Variants in CENPM observed in about 807,000 individuals in gnomAD.
CENPM encodes the protein interphase centromere complex protein 39.
Under a neutral mutation model 19.6 loss-of-function variants are expected in CENPM, and 14 were observed. That is an observed-to-expected ratio of 0.71 (90% CI 0.47 to 1.11). The LOEUF is 1.11. Ranked by LOEUF, CENPM falls within the 50% of genes most tolerant of loss-of-function variation. The pLI is 0.00. For missense variants in CENPM, 239 were observed against 228.4 expected (o/e 1.05, Z -0.30); for synonymous variants, 114 against 101.5 (o/e 1.12, Z -0.74).
In CENPM at chr22:41,939,303, G is replaced by C. The variant is rs2077704191; in HGVS notation, c.403-107C>G. On this transcript the variant is annotated intron_variant, in intron 5 of 5. Transcript: ENST00000215980. ...GCAGGGCTGGGGGCGGATACTTGGG[G>C]GTAGCTCAGGTCACCACTGCCCACC... 3.7e-6 allele frequency: 5 copies of C among 1,364,208 alleles called. No homozygotes were observed. In the South Asian group the frequency reaches 7.3e-5, roughly 20 times the overall value. The allele number at this position is 1,364,208 out of a possible 1,614,324, so 84.5% of individuals were successfully genotyped here. A position where few individuals can be genotyped will look rare whatever the true frequency, so the allele number is the denominator to read the frequency against.
chr22:41,946,369 T>C, intron 2 of CENPM, 48 bp downstream of exon 2: 2 of 1,522,520 alleles, frequency 1.3e-6, no homozygotes, highest in Middle Eastern at 1.7e-4. Context: ...ACCGAATCCC[T>C]CTGGAGTGAG....
At chr22:41,945,670 G>T (rs536863523) in intron 3 of CENPM, among the ~76,000 whole-genome samples, 2 of 151,926 alleles carry the variant, frequency 1.3e-5, no homozygotes, top group Admixed American at 6.6e-5. Flanking sequence ...GGCTGGTCTC[G>T]GGCAATCTGC....
the CENPM span, among the ~76,000 whole-genome samples, chr22:41,932,197 C>T: frequency 3.9e-5 from 6 of 152,220 alleles, no homozygotes; most frequent in African/African-American, 1.2e-4. This position sits in a 1 kb window ranked among gnomAD's most constrained non-coding sequence, Gnocchi z 4.3. Flanking sequence ...CTCATGACAG[C>T]GCCAGGACCA....
chr22:41,942,921 C>T (rs558398344), intron 5 of CENPM, among the ~76,000 whole-genome samples: 29 of 151,918 alleles, frequency 1.9e-4, no homozygotes, highest in African/African-American at 7.0e-4. Flanking sequence ...GGCAACAGAG[C>T]AAGACCTTAT....
intron 5 of CENPM, among the ~76,000 whole-genome samples, chr22:41,942,944 C>T (rs6002553): frequency 0.03 from 4,541 of 150,904 alleles, 221 homozygotes; most frequent in African/African-American, 0.1. Context: ...AAAACAATAA[C>T]GACAACAACA....
At chr22:41,934,719 G>C (rs1470455569), downstream of CENPM, among the ~76,000 whole-genome samples, 1 of 152,214 alleles carries the variant, frequency 6.6e-6, no homozygotes, top group Non-Finnish European at 1.5e-5. Flanking sequence ...CAACTAGCTA[G>C]GAAGAAAGGC....
downstream of CENPM, among the ~76,000 whole-genome samples, chr22:41,933,946 G>A (rs1040308821): frequency 2.6e-5 from 4 of 152,236 alleles, no homozygotes; most frequent in South Asian, 2.1e-4. Context: ...GGGTGGAAGG[G>A]CTGGCATGGA....
intron 4 of CENPM, chr22:41,944,734 G>A (rs2077779415): frequency 3.0e-6 from 3 of 985,410 alleles, no homozygotes; most frequent in Non-Finnish European, 3.6e-6. Context: ...GAGAGTCACC[G>A]GAGATGAGAC....
chr22:41,930,366 A>G, the CENPM span, among the ~76,000 whole-genome samples: 6 of 151,696 alleles, frequency 4.0e-5, no homozygotes, highest in Non-Finnish European at 5.9e-5. Flanking sequence ...CGTAGCTGGG[A>G]CTACAGGCAC....
the CENPM span, chr22:41,928,220 C>T: frequency 2.7e-6 from 1 of 371,258 alleles, no homozygotes; most frequent in South Asian, 2.2e-5. The surrounding 1 kb of genome is among the most constrained non-coding windows in gnomAD (Gnocchi z 4.0). Flanking sequence ...CCCGCCCACA[C>T]CTGCTCCTTT....
intron 4 of CENPM, chr22:41,944,165 CG>C (rs1185112461): frequency 1.0e-6 from 1 of 985,154 alleles, no homozygotes; most frequent in Non-Finnish European, 1.2e-6. Context: ...AGAGGACGGC[CG>C]GGTGCGGTGG....
At chr22:41,935,744 G>A (rs919292920), downstream of CENPM, among the ~76,000 whole-genome samples, 4 of 152,192 alleles carry the variant, frequency 2.6e-5, no homozygotes, top group African/African-American at 9.7e-5. Flanking sequence ...GCCCTCTCGC[G>A]ATGCTGTGTT....
chr22:41,928,482 G>A, the CENPM span, among the ~76,000 whole-genome samples: 1 of 152,176 alleles, frequency 6.6e-6, no homozygotes, highest in Non-Finnish European at 1.5e-5. The surrounding 1 kb of genome is among the most constrained non-coding windows in gnomAD (Gnocchi z 4.0). Flanking sequence ...TGCCACACAT[G>A]CCACCCAGAC....
chr22:41,938,917 A>C lies in CENPM; in HGVS notation c.*139T>G. 6 of 1,106,008 alleles carry C rather than the reference A, an allele frequency of 5.4e-6. No homozygotes were observed. The allele number at this position is 1,106,008 out of a possible 1,614,324, so 68.5% of individuals were successfully genotyped here. On this transcript the variant is annotated 3_prime_UTR_variant, in exon 6 of 6. Coordinates refer to ENST00000215980, the MANE Select transcript of CENPM (RefSeq NM_024053.5). ...TCTGCCCAGCTCTCCCTGCTGCAGC[A>C]CTGGCACTGCAGGGAACCTTCCCAG...
rs770672067 is a variant in CENPM at position 41,943,612 on chromosome 22, C to T, written c.400G>A (p.Glu134Lys). Residue 134 changes from glutamate (E) to lysine (K), a missense_variant and splice_region_variant, in exon 5 of 6, where the codon GAG (glutamate) becomes AAG (lysine). Coordinates refer to ENST00000215980, the MANE Select transcript of CENPM (RefSeq NM_024053.5). ...GTCTCTGTGATCAGCATGCTCACCTCCAGGTCACAGTAGAGCAGGGGGCTT... is the reference window on the plus strand; with the variant it reads ...GTCTCTGTGATCAGCATGCTCACCTTCAGGTCACAGTAGAGCAGGGGGCTT... ...YQSPLLYCDL[E>K]VEGFRATMAQ... The T allele has an allele frequency of 3.1e-5, 50 of 1,612,720 alleles. No individual in the cohort carries two copies. The highest frequency in any genetic ancestry group is 4.0e-5 in the Non-Finnish European group (47 of 1,179,324).
chr22:41,930,002 G>A, the CENPM span, among the ~76,000 whole-genome samples: 1 of 138,796 alleles, frequency 7.2e-6, no homozygotes, highest in African/African-American at 2.7e-5. Flanking sequence ...GGAGTGCAGT[G>A]GCGCAATCTC....
At chr22:41,944,569 T>G (rs2077777861) in intron 4 of CENPM, 5 of 750,318 alleles carry the variant, frequency 6.7e-6, no homozygotes, top group East Asian at 2.6e-4. Context: ...TAATAACACC[T>G]ACCTCCAATA....
At chr22:41,927,308 T>C in the CENPM span, among the ~76,000 whole-genome samples, 1 of 152,034 alleles carries the variant, frequency 6.6e-6, no homozygotes, top group Non-Finnish European at 1.5e-5. Flanking sequence ...GGGAGGTGTC[T>C]GGGGGCAGAC....
downstream of CENPM, among the ~76,000 whole-genome samples, chr22:41,937,674 T>C (rs1360027083): frequency 1.3e-5 from 2 of 152,186 alleles, no homozygotes; most frequent in African/African-American, 4.8e-5. Context: ...GTCCCAGGCA[T>C]GTCCATCGTC....
Sources: gnomAD v4.1 joint callset for allele counts (sites outside exome capture counted in the v4.1 genomes callset) on GRCh38, gnomAD v4.1.1 for gene constraint, Gnocchi (gnomAD v3.1) non-coding constraint, MANE v1.5 for transcripts, NCBI Gene and HGNC (gene_info 2026-07-23, HGNC 2026-07-21) for gene names.